The following CDK5 variants were observed in gnomAD, a reference collection of about 807,000 sequenced individuals.
CDK5 encodes the protein cyclin dependent kinase 5.
A neutral mutation model predicts 44.6 loss-of-function variants in CDK5; 18 were observed. The ratio of observed to expected loss-of-function variants is 0.40; its 90% CI spans 0.28 to 0.60. CDK5 has a LOEUF of 0.60. Among genes scored for constraint, CDK5 ranks in the 20% least tolerant of loss-of-function variants. CDK5 has a pLI of 0.38. For missense variants in CDK5, 198 were observed against 368.1 expected (o/e 0.54, Z 3.78); for synonymous variants, 143 against 152.8 (o/e 0.94, Z 0.47).
rs892146461 is a variant in CDK5 at position 151,056,040 on chromosome 7, T to C, written c.313-192A>G. 1 of 588,860 alleles carries C rather than the reference T, an allele frequency of 1.7e-6. No homozygotes were observed. The highest frequency in any genetic ancestry group is 3.0e-6 in the Non-Finnish European group (1 of 329,532). 36.5% of individuals were successfully genotyped at this position (588,860 alleles called of 1,614,324 possible). On this transcript the variant is annotated intron_variant, in intron 5 of 11. Coordinates refer to ENST00000485972, the MANE Select transcript of CDK5 (RefSeq NM_004935.4). This position sits in a 1 kb window ranked among gnomAD's most constrained non-coding sequence, Gnocchi z 4.7. ...GTGCTAGGCATTAGAGGGACCAAAG[T>C]AAAGAAGCTGGCTCTGGTCCCCACC...
rs752437126 is a variant in CDK5 at position 151,054,477 on chromosome 7, G to A, written c.651-12C>T. 1.9e-6 allele frequency: 3 copies of A among 1,608,926 alleles called. No homozygotes were observed. Among genetic ancestry groups the A allele is most frequent in the South Asian group, 1.1e-5 (1 of 90,502 alleles). ...GCGTCCCCAGCAGTGTGTCCACGGA[G>A]TCAAGGATCACTTGGGAAAGGGCCA... On this transcript the variant is annotated splice_polypyrimidine_tract_variant and intron_variant, in intron 9 of 11. Coordinates refer to ENST00000485972, the MANE Select transcript of CDK5 (RefSeq NM_004935.4). This position sits in a 1 kb window ranked among gnomAD's most constrained non-coding sequence, Gnocchi z 5.7.
Position 151,057,298 on chromosome 7 carries a change from T to C in CDK5, c.38-138A>G, listed in dbSNP as rs1393389269. 27 of 755,728 alleles carry C rather than the reference T, an allele frequency of 3.6e-5. No homozygotes were observed. Among genetic ancestry groups the C allele is most frequent in the Non-Finnish European group, 6.2e-5 (26 of 421,718 alleles). 46.8% of individuals were successfully genotyped at this position (755,728 alleles called of 1,614,324 possible). ...AGGGTGAAGGTAGGTTGGTGAGCTT[T>C]GTGAGTGAGGATGTGGCAGGTGGGG... On this transcript the variant is annotated intron_variant, in intron 1 of 11. Transcript: ENST00000485972. This position sits in a 1 kb window ranked among gnomAD's most constrained non-coding sequence, Gnocchi z 5.2.
chr7:151,057,156 G>A lies in CDK5; in HGVS notation c.42C>T (p.Thr14=). 1.2e-6 allele frequency: 2 copies of A among 1,613,690 alleles called. No homozygotes were observed. Residue 14 remains threonine, a synonymous_variant, in exon 2 of 12, where the codon ACC becomes ACT. Coordinates refer to ENST00000485972, the MANE Select transcript of CDK5 (RefSeq NM_004935.4). The surrounding 1 kb of genome is among the most constrained non-coding windows in gnomAD (Gnocchi z 5.2). ...TTTTGGCCTTGAACACAGTTCCGTAGGTGCCTAGGGGAAGGAGGTCAGGGG... is the reference window on the plus strand; with the variant it reads ...TTTTGGCCTTGAACACAGTTCCGTAAGTGCCTAGGGGAAGGAGGTCAGGGG... ...YEKLEKIGEG[T]YGTVFKAKNR...
In CDK5 at chr7:151,054,809, G is replaced by A. The variant is rs1012936793; in HGVS notation, c.650+218C>T. Among the ~76,000 whole-genome samples the A allele has an allele frequency of 6.6e-6, 1 of 152,082 alleles. No individual in the cohort carries two copies. Among genetic ancestry groups the A allele is most frequent in the African/African-American group, 2.4e-5 (1 of 41,394 alleles). On this transcript the variant is annotated intron_variant, in intron 9 of 11. Transcript: ENST00000485972. This position sits in a 1 kb window ranked among gnomAD's most constrained non-coding sequence, Gnocchi z 5.7. ...GACACCCTCTCGGCTTCACCCCTCA[G>A]GGCACGCTGCCTGTCTCCAAGCCAC...
rs1796892816 is a variant in CDK5 at position 151,056,301 on chromosome 7, T to C, written c.312+279A>G. ...CACAGTGAAGCATTCAGTAAGTATGTGTTGAATGAATGAGTGTATCTCCTT... is the reference window on the plus strand; with the variant it reads ...CACAGTGAAGCATTCAGTAAGTATGCGTTGAATGAATGAGTGTATCTCCTT... On this transcript the variant is annotated intron_variant, in intron 5 of 11. Transcript: ENST00000485972. This position sits in a 1 kb window ranked among gnomAD's most constrained non-coding sequence, Gnocchi z 4.7. 1.7e-6 allele frequency: 1 copy of C among 578,900 alleles called. No homozygotes were observed. Among genetic ancestry groups the C allele is most frequent in the African/African-American group, 1.9e-5 (1 of 53,522 alleles). 35.9% of individuals were successfully genotyped at this position (578,900 alleles called of 1,614,324 possible).
chr7:151,055,602 C>G lies in CDK5; in HGVS notation c.413G>C (p.Gly138Ala), dbSNP rs1446866764. The G allele has an allele frequency of 7.4e-6, 12 of 1,613,664 alleles. No homozygotes were observed. Among genetic ancestry groups the G allele is most frequent in the Non-Finnish European group, 9.3e-6 (11 of 1,179,802 alleles). ...GCCAAAATCAGCCAATTTCAGCTCC[C>G]CATTCTGAAGGGAATGGGAAGGGGA... ...KPQNLLINRNGELKLADFGLA... is the reference protein window; with the variant it reads ...KPQNLLINRNAELKLADFGLA... The change falls in exon 7 of 12, where the codon GGG (glycine) becomes GCG (alanine). Residue 138 changes from glycine (G) to alanine (A), a missense_variant. By Grantham distance (60) the Gly-to-Ala change is moderately conservative. Coordinates refer to ENST00000485972, the MANE Select transcript of CDK5 (RefSeq NM_004935.4).
In CDK5 at chr7:151,054,630, G is replaced by A. The variant is rs916521409; in HGVS notation, c.651-165C>T. On this transcript the variant is annotated intron_variant, in intron 9 of 11. Transcript: ENST00000485972. The surrounding 1 kb of genome is among the most constrained non-coding windows in gnomAD (Gnocchi z 5.7). Reference sequence around the variant, plus strand: ...AGCTTGACAGAAGCAGCCCCAGGCAGGTCACTCGCATATCCAGCCACGTTT... The same window carrying A: ...AGCTTGACAGAAGCAGCCCCAGGCAAGTCACTCGCATATCCAGCCACGTTT... Among the ~76,000 whole-genome samples the A allele has an allele frequency of 6.6e-6, 1 of 152,126 alleles. No homozygotes were observed. The highest frequency in any genetic ancestry group is 2.4e-5 in the African/African-American group (1 of 41,402).
Position 151,057,590 on chromosome 7 carries a change from G to C in CDK5, c.37+222C>G, listed in dbSNP as rs1584975606. The stretch of plus-strand genomic sequence containing the variant: ...CAGGAAGTGTCGCGGTTGGGAGGTC[G>C]GGTCTACTGGGAACGCTAAGGTTGG... On this transcript the variant is annotated intron_variant, in intron 1 of 11. Coordinates refer to ENST00000485972, the MANE Select transcript of CDK5 (RefSeq NM_004935.4). The surrounding 1 kb of genome is among the most constrained non-coding windows in gnomAD (Gnocchi z 5.2). The C allele has an allele frequency of 1.4e-5, 9 of 629,230 alleles. No homozygotes were observed. In the South Asian group the frequency reaches 1.6e-4, roughly 11 times the overall value. The allele number at this position is 629,230 out of a possible 1,614,324, so 39.0% of individuals were successfully genotyped here.
Position 151,055,857 on chromosome 7 carries a change from A to G in CDK5, c.313-9T>C, listed in dbSNP as rs1347529512. The G allele has an allele frequency of 1.3e-6, 2 of 1,589,180 alleles. No individual in the cohort carries two copies. Among genetic ancestry groups the G allele is most frequent in the South Asian group, 2.3e-5 (2 of 88,248 alleles). ...AGCTGGAAGAGGAATGACTGGGAGG[A>G]GAGAGGGAGAAGGGAGTCAGACGCC... is the stretch of plus-strand genomic sequence containing the variant. On this transcript the variant is annotated splice_polypyrimidine_tract_variant and intron_variant, in intron 5 of 11. Coordinates refer to ENST00000485972, the MANE Select transcript of CDK5 (RefSeq NM_004935.4).
Position 151,056,183 on chromosome 7 carries a change from A to G in CDK5, c.313-335T>C. On this transcript the variant is annotated intron_variant, in intron 5 of 11. Coordinates refer to ENST00000485972, the MANE Select transcript of CDK5 (RefSeq NM_004935.4). This position sits in a 1 kb window ranked among gnomAD's most constrained non-coding sequence, Gnocchi z 4.7. The stretch of plus-strand genomic sequence containing the variant: ...TCTGAGTATGCACGCCGTGAACATC[A>G]ACATAAATATCGTGCTGTAGTATCA... The G allele has an allele frequency of 2.0e-6, 1 of 507,150 alleles. No homozygotes were observed. 31.4% of individuals were successfully genotyped at this position (507,150 alleles called of 1,614,324 possible).
chr7:151,055,815 A>G lies in CDK5; in HGVS notation c.346T>C (p.Phe116Leu), dbSNP rs1584973594. The change falls in exon 6 of 12, where the codon TTC becomes CTC. Residue 116 changes from phenylalanine to leucine, a missense_variant. This residue lies in a region of CDK5 where 26 missense variants were observed against 28.2 expected (regional missense o/e 0.92). Coordinates refer to ENST00000485972, the MANE Select transcript of CDK5 (RefSeq NM_004935.4). ...FLFQLLKGLGFCHSRNVLHRD... is the reference protein window; with the variant it reads ...FLFQLLKGLGLCHSRNVLHRD... ...TGTAGCACATTGCGGCTATGACAGAATCCCAGCCCTTTTAGTAGCTGGAAG... is the reference window on the plus strand; with the variant it reads ...TGTAGCACATTGCGGCTATGACAGAGTCCCAGCCCTTTTAGTAGCTGGAAG... The G allele has an allele frequency of 6.2e-7, 1 of 1,611,856 alleles. No individual in the cohort carries two copies. The highest frequency in any genetic ancestry group is 8.5e-7 in the Non-Finnish European group (1 of 1,178,920).
At position 151,056,089 on chromosome 7, in the gene CDK5, G is replaced by A; in HGVS notation, c.313-241C>T. 1 of 561,536 alleles carries A rather than the reference G, an allele frequency of 1.8e-6. No individual in the cohort carries two copies. The highest frequency in any genetic ancestry group is 2.4e-5 in the South Asian group (1 of 42,406). 34.8% of individuals were successfully genotyped at this position (561,536 alleles called of 1,614,324 possible). ...CCTTCCTGGACCATACAGCCTAATG[G>A]GCCTTGGCAGGTGGATCCTAGATCC... On this transcript the variant is annotated intron_variant, in intron 5 of 11. Coordinates refer to ENST00000485972, the MANE Select transcript of CDK5 (RefSeq NM_004935.4). The surrounding 1 kb of genome is among the most constrained non-coding windows in gnomAD (Gnocchi z 4.7).
At position 151,056,897 on chromosome 7, in the gene CDK5, C is replaced by G; in HGVS notation, c.194+11G>C. Reference sequence around the variant, plus strand: ...GGCCACACCGGCAAGGAGCACCCGCCTCCCGCACACCTGACGATGTTCTTG... The same window carrying G: ...GGCCACACCGGCAAGGAGCACCCGCGTCCCGCACACCTGACGATGTTCTTG... On this transcript the variant is annotated intron_variant, in intron 3 of 11. Transcript: ENST00000485972. This position sits in a 1 kb window ranked among gnomAD's most constrained non-coding sequence, Gnocchi z 4.7. 1.2e-6 allele frequency: 2 copies of G among 1,604,894 alleles called. No individual in the cohort carries two copies. Among genetic ancestry groups the G allele is most frequent in the South Asian group, 1.1e-5 (1 of 90,098 alleles).
Position 151,054,599 on chromosome 7 carries a change from G to A in CDK5, c.651-134C>T, listed in dbSNP as rs554147188. 1.2e-5 allele frequency: 10 copies of A among 834,782 alleles called. No individual in the cohort carries two copies. The highest frequency in any genetic ancestry group is 5.3e-5 in the South Asian group (3 of 56,660). 51.7% of individuals were successfully genotyped at this position (834,782 alleles called of 1,614,324 possible). A position where few individuals can be genotyped will look rare whatever the true frequency, so the allele number is the denominator to read the frequency against. On this transcript the variant is annotated intron_variant, in intron 9 of 11. Coordinates refer to ENST00000485972, the MANE Select transcript of CDK5 (RefSeq NM_004935.4). The surrounding 1 kb of genome is among the most constrained non-coding windows in gnomAD (Gnocchi z 5.7). ...ACTTCTCACCCTCCCTTTACCCTCC[G>A]GCTTGAGCTTGACAGAAGCAGCCCC...
chr7:151,055,002 T>C (rs1563326976), intron 9 of CDK5, 25 bp downstream of exon 9: 2 of 1,612,454 alleles, frequency 1.2e-6, no homozygotes, highest in Admixed American at 3.3e-5. Flanking sequence ...CCCAGAGGGC[T>C]CAAGGCAGAG....
chr7:151,055,109 CA>C lies in CDK5; in HGVS notation c.581-14del, dbSNP rs778992179. 6.8e-6 allele frequency: 11 copies of C among 1,608,598 alleles called. No homozygotes were observed. In the Admixed American group the frequency reaches 1.0e-4, roughly 15 times the overall value. ...GCATTGGCCAGCTCTGGGGGATAGA[CA>C]GGGGGCTAAGATGTGACATGTGAAG... On this transcript the variant is annotated splice_polypyrimidine_tract_variant and intron_variant, in intron 8 of 11. Transcript: ENST00000485972.
chr7:151,055,002 T>TC (rs1563326985), intron 9 of CDK5, 25 bp downstream of exon 9: 1 of 1,612,454 alleles, frequency 6.2e-7, no homozygotes, highest in South Asian at 1.1e-5. Context: ...CCCAGAGGGC[T>TC]CAAGGCAGAG....
At position 151,057,254 on chromosome 7, in the gene CDK5, T is replaced by G. The variant is rs549848532; in HGVS notation, c.38-94A>C. The G allele has an allele frequency of 2.0e-5, 19 of 947,332 alleles. No individual in the cohort carries two copies. In the South Asian group the frequency reaches 2.4e-4, roughly 12 times the overall value. 58.7% of individuals were successfully genotyped at this position (947,332 alleles called of 1,614,324 possible). Reference sequence around the variant, plus strand: ...GAGAGAGGTGAAGGCAGCGTCTCAGTATGCAAGGGAAGGGATTCAGGGTGA... The same window carrying G: ...GAGAGAGGTGAAGGCAGCGTCTCAGGATGCAAGGGAAGGGATTCAGGGTGA... On this transcript the variant is annotated intron_variant, in intron 1 of 11. Coordinates refer to ENST00000485972, the MANE Select transcript of CDK5 (RefSeq NM_004935.4). The surrounding 1 kb of genome is among the most constrained non-coding windows in gnomAD (Gnocchi z 5.2).
Position 151,057,049 on chromosome 7 carries a change from C to T in CDK5, c.126+23G>A, listed in dbSNP as rs1395046481. On this transcript the variant is annotated intron_variant, in intron 2 of 11. Transcript: ENST00000485972. This position sits in a 1 kb window ranked among gnomAD's most constrained non-coding sequence, Gnocchi z 5.2. ...CAGGCCCTCAAACCCCTCCCCAGGC[C>T]GTATCCCACTCCCCAGTCCTACCTC... 1 of 1,613,354 alleles carries T rather than the reference C, an allele frequency of 6.2e-7. No homozygotes were observed. The highest frequency in any genetic ancestry group is 8.5e-7 in the Non-Finnish European group (1 of 1,179,436).
Sources: gnomAD v4.1 joint callset for allele counts (sites outside exome capture counted in the v4.1 genomes callset) on GRCh38, gnomAD v4.1.1 for gene constraint, gnomAD v4.1.1 regional missense constraint, Gnocchi (gnomAD v3.1) non-coding constraint, MANE v1.5 for transcripts, NCBI Gene and HGNC (gene_info 2026-07-23, HGNC 2026-07-21) for gene names.